The following TSPAN13 variants were observed in gnomAD, a reference collection of about 807,000 sequenced individuals.
TSPAN13 encodes the protein tetraspanin-13.
In TSPAN13, 18 loss-of-function variants were observed where a neutral mutation model predicts 26.9. The ratio of observed to expected loss-of-function variants is 0.67; its 90% CI spans 0.46 to 0.99. The LOEUF (loss-of-function observed/expected upper bound fraction) is 0.99. Among genes scored for constraint, TSPAN13 ranks in the 50% least tolerant of loss-of-function variants. The pLI, the probability that TSPAN13 is intolerant of heterozygous loss-of-function variation, is 0.00. For synonymous variants in TSPAN13, 116 were observed against 98.4 expected (o/e 1.18, Z -1.06); for missense variants, 201 against 249.6 (o/e 0.81, Z 1.31).
chr7:16,764,000 A>G (rs1048363312), intron 1 of TSPAN13, among the ~76,000 whole-genome samples: 1 of 152,038 alleles, frequency 6.6e-6, no homozygotes, highest in Non-Finnish European at 1.5e-5. Context: ...AACATTATGC[A>G]TATATCTTTC....
intron 5 of TSPAN13, among the ~76,000 whole-genome samples, chr7:16,779,890 G>T (rs1421311539): frequency 6.6e-6 from 1 of 151,356 alleles, no homozygotes. Context: ...TCCTGTCTCA[G>T]CCTCCTGAGT....
Position 16,779,182 on chromosome 7 carries a change from C to A in TSPAN13, c.540+66C>A, listed in dbSNP as rs11983823. On this transcript the variant is annotated intron_variant, in intron 5 of 5. Coordinates refer to ENST00000262067, the MANE Select transcript of TSPAN13 (RefSeq NM_014399.4). ...GATTCCTGTTTTGCATGACAAAGGGCCTTGATTCTTGTTATCAGTGAGCAT... is the reference window on the plus strand; with the variant it reads ...GATTCCTGTTTTGCATGACAAAGGGACTTGATTCTTGTTATCAGTGAGCAT... 1,870 of 1,197,142 alleles carry A rather than the reference C, an allele frequency of 1.6e-3. 24 individuals are homozygous for A. The African/African-American group carries it at 0.025, about 16-fold the overall frequency. The allele number at this position is 1,197,142 out of a possible 1,614,324, so 74.2% of individuals were successfully genotyped here.
At chr7:16,763,149 C>T (rs1034272369) in intron 1 of TSPAN13, among the ~76,000 whole-genome samples, 6 of 152,174 alleles carry the variant, frequency 3.9e-5, no homozygotes, top group African/African-American at 1.4e-4. Flanking sequence ...GGACATTCCT[C>T]TGGCTCATTG....
intron 5 of TSPAN13, among the ~76,000 whole-genome samples, chr7:16,780,815 C>T (rs574874820): frequency 1.3e-5 from 2 of 152,272 alleles, no homozygotes; most frequent in African/African-American, 4.8e-5. Context: ...AAATAGAACT[C>T]ATGAGTCTTA....
chr7:16,761,603 G>A (rs115360826), intron 1 of TSPAN13, among the ~76,000 whole-genome samples: 2,817 of 151,694 alleles, frequency 0.019, 81 homozygotes, highest in African/African-American at 0.064. Flanking sequence ...CTGCAGCCTT[G>A]AACCCCTGGG....
rs2115335354 is a variant in TSPAN13, at chr7:16,777,133, A to G, written c.312+11A>G. The stretch of plus-strand genomic sequence containing the variant: ...AACCAGGAGCAACAGGTAAGCTAAG[A>G]CTTTTTTCTTCTACTTTATTATACC... On this transcript the variant is annotated intron_variant, in intron 3 of 5. Coordinates refer to ENST00000262067, the MANE Select transcript of TSPAN13 (RefSeq NM_014399.4). The G allele has an allele frequency of 6.2e-7, 1 of 1,600,874 alleles. No homozygotes were observed. Among genetic ancestry groups the G allele is most frequent in the Non-Finnish European group, 8.6e-7 (1 of 1,168,568 alleles).
rs559352149 is a variant in TSPAN13 at position 16,768,006 on chromosome 7, A to T, written c.64-8205A>T. On this transcript the variant is annotated intron_variant, in intron 1 of 5. Transcript: ENST00000262067. Reference sequence around the variant, plus strand: ...CGGCCCACTGCAACCTCCTCCTCCCAGGTTCAAGCGATTCTCCTGCCTCAG... The same window carrying T: ...CGGCCCACTGCAACCTCCTCCTCCCTGGTTCAAGCGATTCTCCTGCCTCAG... Among the ~76,000 whole-genome samples, 239 of 152,236 alleles carry T rather than the reference A, an allele frequency of 1.6e-3. 1 individual carries two copies. Among genetic ancestry groups the T allele is most frequent in the African/African-American group, 5.5e-3 (230 of 41,544 alleles).
intron 1 of TSPAN13, among the ~76,000 whole-genome samples, chr7:16,775,280 G>T (rs1401833038): frequency 1.3e-5 from 2 of 152,100 alleles, no homozygotes; most frequent in African/African-American, 4.8e-5. Flanking sequence ...CTATTTTTAA[G>T]TGGGATTTTA....
intron 1 of TSPAN13, among the ~76,000 whole-genome samples, chr7:16,774,114 G>T (rs1701419799): frequency 6.6e-6 from 1 of 152,126 alleles, no homozygotes; most frequent in Admixed American, 6.5e-5. Context: ...TAAGAACAAA[G>T]ATTAAGGTTT....
chr7:16,773,331 G>T (rs1486576177), intron 1 of TSPAN13, among the ~76,000 whole-genome samples: 4 of 124,936 alleles, frequency 3.2e-5, no homozygotes, highest in African/African-American at 5.7e-5. Context: ...TCACATTTTT[G>T]AATGTTAAAA....
At chr7:16,761,891 C>G (rs1784545046) in intron 1 of TSPAN13, among the ~76,000 whole-genome samples, 1 of 151,592 alleles carries the variant, frequency 6.6e-6, no homozygotes, top group Non-Finnish European at 1.5e-5. Flanking sequence ...TGGTATAGTC[C>G]TTCTGTATCT....
Position 16,779,123 on chromosome 7 carries a change from G to C in TSPAN13, c.540+7G>C, listed in dbSNP as rs769394677. The C allele has an allele frequency of 1.3e-5, 20 of 1,596,496 alleles. No individual in the cohort carries two copies. Among genetic ancestry groups the C allele is most frequent in the Non-Finnish European group, 1.2e-5 (14 of 1,167,972 alleles). On this transcript the variant is annotated splice_region_variant and intron_variant, in intron 5 of 5. Coordinates refer to ENST00000262067, the MANE Select transcript of TSPAN13 (RefSeq NM_014399.4). ...GTTCTTCAGTTTTACAGAGGTATGT[G>C]CAAATAACAATATTTTTCCTCCTTT...
At chr7:16,759,687 TTTTC>T (rs906444268) in intron 1 of TSPAN13, among the ~76,000 whole-genome samples, 7 of 147,224 alleles carry the variant, frequency 4.8e-5, no homozygotes, top group African/African-American at 1.8e-4. Flanking sequence ...CTTTTTTTTC[TTTTC>T]TTTCTTTCTT....
intron 1 of TSPAN13, among the ~76,000 whole-genome samples, chr7:16,756,886 C>T (rs974074177): frequency 3.9e-5 from 6 of 152,178 alleles, no homozygotes; most frequent in East Asian, 1.9e-4. Context: ...TTTGGAAATA[C>T]AGCAGCAAAC....
intron 1 of TSPAN13, among the ~76,000 whole-genome samples, chr7:16,762,865 T>C (rs1189880942): frequency 1.3e-5 from 2 of 152,070 alleles, no homozygotes; most frequent in African/African-American, 2.4e-5. Context: ...CCTTGTCTTT[T>C]GGGGGGAAAC....
rs1784835380 is a variant in TSPAN13 at position 16,783,401 on chromosome 7, T to C, written c.541-16T>C. On this transcript the variant is annotated splice_polypyrimidine_tract_variant and intron_variant, in intron 5 of 5. Coordinates refer to ENST00000262067, the MANE Select transcript of TSPAN13 (RefSeq NM_014399.4). ...ACTTTCTTTTTCTTTACTTTATTTT[T>C]TTTTCCCCATTCCAGATCCTGGGTG... 6.2e-7 allele frequency: 1 copy of C among 1,610,160 alleles called. No individual in the cohort carries two copies. The highest frequency in any genetic ancestry group is 2.2e-5 in the East Asian group (1 of 44,882).
At chr7:16,771,786 C>T (rs1432109384) in intron 1 of TSPAN13, among the ~76,000 whole-genome samples, 1 of 152,104 alleles carries the variant, frequency 6.6e-6, no homozygotes, top group Admixed American at 6.5e-5. Flanking sequence ...GATAGGAAAC[C>T]CTCTTTGATG....
chr7:16,777,878 C>G lies in TSPAN13; in HGVS notation c.393C>G (p.Phe131Leu). Residue 131 changes from phenylalanine to leucine, a missense_variant, in exon 4 of 6, where the codon TTC becomes TTG. Transcript: ENST00000262067. ...AGAGAAATCTAAACTGCTGTGGGTT[C>G]CGAAGTGTTAACCCAAATGACACCT... ...DIQRNLNCCG[F>L]RSVNPNDTCL... The G allele has an allele frequency of 6.2e-7, 1 of 1,613,544 alleles. No individual in the cohort carries two copies. The highest frequency in any genetic ancestry group is 8.5e-7 in the Non-Finnish European group (1 of 1,179,704).
At chr7:16,782,735 CTTAGT>C (rs1461790115) in intron 5 of TSPAN13, among the ~76,000 whole-genome samples, 1 of 152,050 alleles carries the variant, frequency 6.6e-6, no homozygotes, top group African/African-American at 2.4e-5. Flanking sequence ...TTTTACTGAA[CTTAGT>C]TTATTCCTGA....
Sources: gnomAD v4.1 joint callset for allele counts (sites outside exome capture counted in the v4.1 genomes callset) on GRCh38, gnomAD v4.1.1 for gene constraint, MANE v1.5 for transcripts, NCBI Gene and HGNC (gene_info 2026-07-23, HGNC 2026-07-21) for gene names.